The following DACH1 variants were observed in gnomAD, a reference collection of about 807,000 sequenced individuals.
The protein encoded by DACH1 is dachshund family transcription factor 1, also known as dachshund homolog 1.
Under a neutral mutation model 54.2 loss-of-function variants are expected in DACH1, and 12 were observed. The observed-to-expected ratio is 0.22, with a 90% CI of 0.14 to 0.36. The LOEUF (loss-of-function observed/expected upper bound fraction) is 0.36. DACH1 is among the 10% of genes least tolerant of loss of function. The probability of loss-of-function intolerance (pLI) is 1.00; values close to 1 mark genes in which losing one functional copy is unlikely to be tolerated. For missense variants in DACH1, 805 were observed against 929.8 expected, an observed-to-expected ratio of 0.87 and a Z score of 1.75; for synonymous variants, 386 against 366.2, an observed-to-expected ratio of 1.05 and a Z score of -0.62.
chr13:71,453,803 C>T (rs988932718), intron 10 of DACH1, among the ~76,000 whole-genome samples: 3 of 152,088 alleles, frequency 2.0e-5, no homozygotes, highest in Middle Eastern at 3.2e-3. Context: ...AGGCAAAGTT[C>T]AATGAAAGAG....
Position 71,572,838 on chromosome 13 carries a change from A to G in DACH1, c.1299+2T>C. Reference sequence around the variant, plus strand: ...AAAATAATTGTATAAAAAAAGAATTACCTTAATAACTGATGTCTCAACTCT... The same window carrying G: ...AAAATAATTGTATAAAAAAAGAATTGCCTTAATAACTGATGTCTCAACTCT... On this transcript the variant is annotated splice_donor_variant, in intron 4 of 10. Transcript: ENST00000613252. LOFTEE classifies it high-confidence loss of function. 1 of 1,606,538 alleles carries G rather than the reference A, an allele frequency of 6.2e-7. No homozygotes were observed.
intron 1 of DACH1, among the ~76,000 whole-genome samples, chr13:71,836,172 G>T (rs1888775413): frequency 6.6e-6 from 1 of 151,194 alleles, no homozygotes; most frequent in Admixed American, 6.6e-5. Context: ...ACCATCTTGA[G>T]AAAAAAGGTA....
At chr13:71,742,230 T>C (rs772816825) in intron 1 of DACH1, among the ~76,000 whole-genome samples, 35 of 152,308 alleles carry the variant, frequency 2.3e-4, no homozygotes, top group Admixed American at 5.2e-4. Context: ...TAAATCTCTT[T>C]TTCTTCCCAG....
At chr13:71,825,587 G>A (rs557029946) in intron 1 of DACH1, among the ~76,000 whole-genome samples, 150 of 152,134 alleles carry the variant, frequency 9.9e-4, no homozygotes, top group African/African-American at 3.5e-3. Context: ...CTTTCACTTA[G>A]CGCAATGTTT....
Position 71,641,660 on chromosome 13 carries a change from T to C in DACH1, c.965-10943A>G, listed in dbSNP as rs147521783. ...AAGGAAGATTCAAATGAAATATGAGTTGTGGTCCATAGTCTCAAATGGTTG... is the reference window on the plus strand; with the variant it reads ...AAGGAAGATTCAAATGAAATATGAGCTGTGGTCCATAGTCTCAAATGGTTG... On this transcript the variant is annotated intron_variant, in intron 2 of 10. Coordinates refer to ENST00000613252, the MANE Select transcript of DACH1 (RefSeq NM_080759.6). Among the ~76,000 whole-genome samples the C allele has an allele frequency of 1.4e-3, 208 of 152,136 alleles. 1 individual carries two copies. The highest frequency in any genetic ancestry group is 4.8e-3 in the African/African-American group (201 of 41,528).
intron 6 of DACH1, among the ~76,000 whole-genome samples, chr13:71,552,508 C>T (rs1303689505): frequency 6.6e-6 from 1 of 151,524 alleles, no homozygotes; most frequent in South Asian, 2.1e-4. Context: ...TTGAAAGTAG[C>T]AGCAATTTAA....
intron 1 of DACH1, among the ~76,000 whole-genome samples, chr13:71,779,205 G>A (rs9564844): frequency 9.5e-6 from 1 of 105,682 alleles, no homozygotes; most frequent in African/African-American, 4.7e-5. Context: ...ACGTATATAT[G>A]TGTATATATA....
intron 3 of DACH1, among the ~76,000 whole-genome samples, chr13:71,576,742 T>A (rs373138653): frequency 6.6e-6 from 1 of 152,150 alleles, no homozygotes. Flanking sequence ...ATTTTGAGTA[T>A]AATAAATCCA....
At chr13:71,851,191 T>C (rs141176225) in intron 1 of DACH1, among the ~76,000 whole-genome samples, 51 of 152,356 alleles carry the variant, frequency 3.3e-4, no homozygotes, top group African/African-American at 1.2e-3. Context: ...ACTTTGTCTT[T>C]AACCTCCTTC....
intron 2 of DACH1, among the ~76,000 whole-genome samples, chr13:71,637,900 T>G (rs574190863): frequency 6.6e-6 from 1 of 152,308 alleles, no homozygotes; most frequent in Admixed American, 6.5e-5. Context: ...TTCTCTGATC[T>G]GTTTGTTTGC....
rs760937159 is a variant in DACH1, at chr13:71,475,834, C to G, written c.1886G>C (p.Arg629Thr). ...CTTTGCCTTCTTCTCCTTCTTTAGC[C>G]TCTTTTGAACTATGGCTAAAAAAGA... ...EQKNRAIVQK[R>T]LKKEKKAKRK... The change falls in exon 9 of 11, where the codon AGG becomes ACG. Residue 629 changes from arginine (R) to threonine (T), a missense_variant. Physicochemically the swap from Arg to Thr is moderately conservative, Grantham distance 71. Transcript: ENST00000613252. The G allele has an allele frequency of 6.2e-7, 1 of 1,609,646 alleles. No homozygotes were observed. The highest frequency in any genetic ancestry group is 8.5e-7 in the Non-Finnish European group (1 of 1,178,670).
intron 4 of DACH1, 34 bp downstream of exon 4, chr13:71,572,806 A>C: frequency 6.3e-7 from 1 of 1,590,384 alleles, no homozygotes; most frequent in Non-Finnish European, 8.6e-7. Flanking sequence ...CTTAAGATGA[A>C]CATGCCAAAA....
At chr13:71,678,642 TTCTC>T (rs202201992) in intron 2 of DACH1, among the ~76,000 whole-genome samples, 3,001 of 150,370 alleles carry the variant, frequency 0.02, 47 homozygotes, top group South Asian at 0.033. Context: ...TTTTCTTCCT[TTCTC>T]TCTCTTTCCT....
At chr13:71,799,448 AG>A (rs1255609714) in intron 1 of DACH1, among the ~76,000 whole-genome samples, 1 of 152,176 alleles carries the variant, frequency 6.6e-6, no homozygotes, top group Non-Finnish European at 1.5e-5. Flanking sequence ...AAATTAAAAA[AG>A]TAATTGGCTG....
chr13:71,568,979 C>T (rs1387162453), intron 4 of DACH1, among the ~76,000 whole-genome samples: 1 of 151,932 alleles, frequency 6.6e-6, no homozygotes, highest in Admixed American at 6.6e-5. Context: ...ATGTCAATTT[C>T]CTCCTCAAAA....
chr13:71,821,551 T>G (rs1888188419), intron 1 of DACH1, among the ~76,000 whole-genome samples: 2 of 152,158 alleles, frequency 1.3e-5, no homozygotes. Context: ...AGTTTTTAAT[T>G]TCTACACCTA....
rs370930796 is a variant in DACH1 at position 71,852,556 on chromosome 13, G to A, written c.848+13366C>T. Reference sequence around the variant, plus strand: ...AATAAAGCTGTGATCCTAATTCAGAGGAAGTTTGCTTAAAAATTCACCCAA... The same window carrying A: ...AATAAAGCTGTGATCCTAATTCAGAAGAAGTTTGCTTAAAAATTCACCCAA... On this transcript the variant is annotated intron_variant, in intron 1 of 10. Coordinates refer to ENST00000613252, the MANE Select transcript of DACH1 (RefSeq NM_080759.6). Among the ~76,000 whole-genome samples, 48 of 152,208 alleles carry A rather than the reference G, an allele frequency of 3.2e-4. 3 individuals are homozygous for A. In the South Asian group the frequency reaches 9.7e-3, roughly 31 times the overall value.
At chr13:71,850,967 A>G (rs9572812) in intron 1 of DACH1, among the ~76,000 whole-genome samples, 3 of 152,176 alleles carry the variant, frequency 2.0e-5, no homozygotes, top group African/African-American at 7.2e-5. Flanking sequence ...TAGCTATTGT[A>G]CTAGTTCAAA....
intron 6 of DACH1, among the ~76,000 whole-genome samples, chr13:71,503,049 C>T (rs766842596): frequency 6.6e-6 from 1 of 152,198 alleles, no homozygotes; most frequent in Non-Finnish European, 1.5e-5. Flanking sequence ...CCCATCTTGC[C>T]TTGCCACCAT....
Sources: gnomAD v4.1 joint callset for allele counts (sites outside exome capture counted in the v4.1 genomes callset) on GRCh38, gnomAD v4.1.1 for gene constraint, MANE v1.5 for transcripts, NCBI Gene and HGNC (gene_info 2026-07-23, HGNC 2026-07-21) for gene names.